YAP1: variants seen among roughly 807,000 people sequenced by gnomAD.
The protein encoded by YAP1 is Yes1 associated transcriptional regulator.
In YAP1, 5 loss-of-function variants were observed where a neutral mutation model predicts 56.9. That is an observed-to-expected ratio of 0.09 (90% CI 0.05 to 0.18). The LOEUF (loss-of-function observed/expected upper bound fraction) is 0.18, where lower values mean the gene tolerates loss of function less well. YAP1 is among the 10% of genes least tolerant of loss of function. The probability of loss-of-function intolerance (pLI) is 1.00; values close to 1 mark genes in which losing one functional copy is unlikely to be tolerated. For synonymous variants in YAP1, 265 were observed against 248.1 expected, an observed-to-expected ratio of 1.07 and a Z score of -0.64; for missense variants, 539 against 651.8, an observed-to-expected ratio of 0.83 and a Z score of 1.88.
At position 102,110,899 on chromosome 11, in the gene YAP1, G is replaced by A. The variant is rs1942852479; in HGVS notation, c.51G>A (p.Gly17=). 7.0e-7 allele frequency: 1 copy of A among 1,435,688 alleles called. No individual in the cohort carries two copies. The highest frequency in any genetic ancestry group is 9.1e-7 in the Non-Finnish European group (1 of 1,094,630). 88.9% of individuals were successfully genotyped at this position (1,435,688 alleles called of 1,614,324 possible). A position where few individuals can be genotyped will look rare whatever the true frequency, so the allele number is the denominator to read the frequency against. Residue 17 remains glycine, a synonymous_variant, in exon 1 of 9, where the codon GGG becomes GGA. Coordinates refer to ENST00000282441, the MANE Select transcript of YAP1 (RefSeq NM_001130145.3). ...PPPQPAPQGQ[G]QPPSQPPQGQ... ...CTCAACCGGCCCCCCAGGGCCAAGG[G>A]CAGCCGCCTTCGCAGCCCCCGCAGG...
rs61749258 is a variant in YAP1 at position 102,223,693 on chromosome 11, C to A, written c.1104C>A (p.Pro368=). The change falls in exon 7 of 9, where the codon CCC becomes CCA. Residue 368 remains proline (P), a synonymous_variant. Coordinates refer to ENST00000282441, the MANE Select transcript of YAP1 (RefSeq NM_001130145.3). ...GGACTCAAAATCCAGTGTCTTCTCC[C>A]GGGATGTCTCAGGAATTGAGAACAA... The part of the protein sequence containing the change: ...DGGTQNPVSS[P]GMSQELRTMT... 2 of 1,614,104 alleles carry A rather than the reference C, an allele frequency of 1.2e-6. No individual in the cohort carries two copies. The highest frequency in any genetic ancestry group is 3.3e-5 in the Admixed American group (2 of 60,026).
intron 2 of YAP1, among the ~76,000 whole-genome samples, chr11:102,122,767 C>T (rs73577857): frequency 0.079 from 12,025 of 151,656 alleles, 761 homozygotes; most frequent in African/African-American, 0.16. Context: ...TGGTGGCAGG[C>T]GCCTTAATCC....
chr11:102,150,662 A>C (rs910640379), intron 2 of YAP1, among the ~76,000 whole-genome samples: 1 of 152,196 alleles, frequency 6.6e-6, no homozygotes, highest in Non-Finnish European at 1.5e-5. Context: ...TAACTTAAAA[A>C]AATGTGTGTT....
At chr11:102,132,127 A>G (rs1016422830) in intron 2 of YAP1, among the ~76,000 whole-genome samples, 26 of 151,564 alleles carry the variant, frequency 1.7e-4, no homozygotes, top group Admixed American at 5.3e-4. Context: ...CAAAAAAAAT[A>G]AAAAAAAAGA....
intron 2 of YAP1, among the ~76,000 whole-genome samples, chr11:102,122,547 G>T (rs1943723893): frequency 6.6e-6 from 1 of 152,096 alleles, no homozygotes; most frequent in African/African-American, 2.4e-5. Context: ...AATTTTTAGG[G>T]AAGTAACCTG....
rs1000021317 is a variant in YAP1 at position 102,112,709 on chromosome 11, A to G, written c.322-1435A>G. The G allele has an allele frequency of 1.2e-4, 123 of 985,166 alleles. 1 individual carries two copies. In the South Asian group the frequency reaches 4.9e-3, roughly 40 times the overall value. The allele number at this position is 985,166 out of a possible 1,614,324, so 61.0% of individuals were successfully genotyped here. A position where few individuals can be genotyped will look rare whatever the true frequency, so the allele number is the denominator to read the frequency against. On this transcript the variant is annotated intron_variant, in intron 1 of 8. Transcript: ENST00000282441. ...AAGGAGGAGGAAAGAAGGAAAAACA[A>G]TTTAGCTGCTTGCCTAAACACTTCA...
chr11:102,194,337 T>G (rs375941478), intron 4 of YAP1, among the ~76,000 whole-genome samples: 5 of 152,322 alleles, frequency 3.3e-5, no homozygotes, highest in East Asian at 1.9e-4. Context: ...TGGTTCAGAT[T>G]CTGTTTTGTT....
chr11:102,150,412 G>A (rs1305758982), intron 2 of YAP1, among the ~76,000 whole-genome samples: 3 of 152,192 alleles, frequency 2.0e-5, no homozygotes, highest in Non-Finnish European at 4.4e-5. Context: ...TGTCTTGGGA[G>A]ATTTTAAAGT....
rs1565298352 is a variant in YAP1 at position 102,232,049 on chromosome 11, T to TG, written c.*2115dup. On this transcript the variant is annotated 3_prime_UTR_variant, in exon 9 of 9. Transcript: ENST00000282441. ...GAAAGATTAAATCTTGAATTAAGTC[T>TG]GGGGGGAAATGGCCACTGCAGATGG... 1 of 152,612 alleles carries TG rather than the reference T, an allele frequency of 6.6e-6. No homozygotes were observed. 9.5% of individuals were successfully genotyped at this position (152,612 alleles called of 1,614,324 possible).
At chr11:102,198,815 T>C (rs1948699026) in intron 4 of YAP1, among the ~76,000 whole-genome samples, 1 of 152,104 alleles carries the variant, frequency 6.6e-6, no homozygotes, top group African/African-American at 2.4e-5. Context: ...TGGAAATATG[T>C]TGAGTGTTGT....
intron 2 of YAP1, among the ~76,000 whole-genome samples, chr11:102,159,096 T>G (rs888061314): frequency 3.9e-5 from 6 of 152,226 alleles, no homozygotes; most frequent in Non-Finnish European, 7.3e-5. Context: ...TATTTCCAAA[T>G]TATTATGTTG....
chr11:102,165,574 T>C (rs1483859628), intron 3 of YAP1, among the ~76,000 whole-genome samples: 1 of 151,796 alleles, frequency 6.6e-6, no homozygotes, highest in East Asian at 1.9e-4. Context: ...GAGGAGAGAG[T>C]TGGAAGAAGG....
chr11:102,225,169 C>CT (rs139003195), intron 7 of YAP1, among the ~76,000 whole-genome samples: 12 of 141,120 alleles, frequency 8.5e-5, no homozygotes, highest in African/African-American at 3.1e-4. Context: ...CTGACTTTGA[C>CT]TTTTTTTTTC....
chr11:102,199,054 T>C (rs1265599222), intron 4 of YAP1, among the ~76,000 whole-genome samples: 3 of 152,122 alleles, frequency 2.0e-5, no homozygotes, highest in Non-Finnish European at 2.9e-5. Context: ...GAGAGAGGTA[T>C]AGGAATCATC....
At chr11:102,169,064 A>G (rs1333708969) in intron 3 of YAP1, among the ~76,000 whole-genome samples, 1 of 152,222 alleles carries the variant, frequency 6.6e-6, no homozygotes, top group Non-Finnish European at 1.5e-5. Context: ...TGGAAATCCC[A>G]TGGACCTGAT....
At chr11:102,190,437 C>T (rs1431703922) in intron 4 of YAP1, among the ~76,000 whole-genome samples, 2 of 151,890 alleles carry the variant, frequency 1.3e-5, no homozygotes, top group East Asian at 3.9e-4. Flanking sequence ...TCCTGACCAG[C>T]CTGGCCAACA....
At position 102,230,551 on chromosome 11, in the gene YAP1, T is replaced by A. The variant is rs1351882676; in HGVS notation, c.*611T>A. The A allele has an allele frequency of 6.5e-6, 1 of 152,716 alleles. No individual in the cohort carries two copies. The highest frequency in any genetic ancestry group is 1.5e-5 in the Non-Finnish European group (1 of 68,092). The allele number at this position is 152,716 out of a possible 1,614,324, so 9.5% of individuals were successfully genotyped here. ...ACCTTGATTTTATTTTAGGAGCTTA[T>A]AAGGCATGAGACAATTTCCATATAA... On this transcript the variant is annotated 3_prime_UTR_variant, in exon 9 of 9. Coordinates refer to ENST00000282441, the MANE Select transcript of YAP1 (RefSeq NM_001130145.3).
chr11:102,194,608 G>A (rs1410572957), intron 4 of YAP1, among the ~76,000 whole-genome samples: 1 of 152,182 alleles, frequency 6.6e-6, no homozygotes, highest in Non-Finnish European at 1.5e-5. Context: ...TATTAAGTAT[G>A]GTAAAAGGTA....
At chr11:102,203,280 A>G (rs1948966579) in intron 4 of YAP1, among the ~76,000 whole-genome samples, 1 of 152,250 alleles carries the variant, frequency 6.6e-6, no homozygotes, top group Non-Finnish European at 1.5e-5. Context: ...GTCTTGGATT[A>G]TGAATCAAAT....
Sources: allele counts gnomAD v4.1 joint callset (sites outside exome capture counted in the v4.1 genomes callset), GRCh38; gene constraint gnomAD v4.1.1; transcripts MANE v1.5; gene names NCBI Gene and HGNC (gene_info 2026-07-23, HGNC 2026-07-21).